EPHX4: variants seen among roughly 807,000 people sequenced by gnomAD.
EPHX4 encodes the protein epoxide hydrolase 4, also known as abhydrolase domain containing 7.
EPHX4 carries 31 observed loss-of-function variants against 44.9 expected under a neutral mutation model. The ratio of observed to expected loss-of-function variants is 0.69; its 90% confidence interval spans 0.52 to 0.93. The LOEUF (loss-of-function observed/expected upper bound fraction) is 0.93, where lower values mean the gene tolerates loss of function less well. Among genes scored for constraint, EPHX4 ranks in the 40% least tolerant of loss-of-function variants. The pLI, the probability that EPHX4 is intolerant of heterozygous loss-of-function variation, is 0.00. For missense variants in EPHX4, 373 were observed against 438.1 expected (o/e 0.85, Z 1.33); for synonymous variants, 151 against 159.7 (o/e 0.95, Z 0.41).
Position 92,052,434 on chromosome 1 carries a change from C to T in EPHX4, c.709-76C>T, listed in dbSNP as rs11166022. The T allele has an allele frequency of 4.4e-3, 6,196 of 1,414,720 alleles. 253 individuals are homozygous for T. In the African/African-American group the frequency reaches 0.082, roughly 19 times the overall value. 87.6% of individuals were successfully genotyped at this position (1,414,720 alleles called of 1,614,324 possible). Reference sequence around the variant, plus strand: ...TGTCACCACACAATGACCACCATCCCCTTTCCAAAGCCAAAGACTTAGCTT... The same window carrying T: ...TGTCACCACACAATGACCACCATCCTCTTTCCAAAGCCAAAGACTTAGCTT... On this transcript the variant is annotated intron_variant, in intron 5 of 6. Coordinates refer to ENST00000370383, the MANE Select transcript of EPHX4 (RefSeq NM_173567.5).
intron 2 of EPHX4, 74 bp from the exon 3 acceptor site, chr1:92,042,739 AAAAAGAAAGG>A: frequency 1.5e-6 from 2 of 1,312,258 alleles, no homozygotes; most frequent in South Asian, 1.5e-5. Context: ...AAAAAAAAAA[AAAAAGAAAGG>A]AAAAAGAAAA....
intron 2 of EPHX4, among the ~76,000 whole-genome samples, chr1:92,037,413 A>T (rs1688455045): frequency 6.6e-6 from 1 of 152,222 alleles, no homozygotes; most frequent in Admixed American, 6.5e-5. Flanking sequence ...ATTAAACAAG[A>T]TACACATCTA....
At chr1:92,062,299 C>T (rs1312456963) in intron 6 of EPHX4, among the ~76,000 whole-genome samples, 1 of 151,120 alleles carries the variant, frequency 6.6e-6, no homozygotes, top group Non-Finnish European at 1.5e-5. Context: ...AAACAAATTA[C>T]TCCTGGCTGG....
At chr1:92,049,513 T>G (rs1007122094) in intron 4 of EPHX4, among the ~76,000 whole-genome samples, 1 of 152,230 alleles carries the variant, frequency 6.6e-6, no homozygotes, top group African/African-American at 2.4e-5. Flanking sequence ...TGTTCACTGC[T>G]AAATCCCTTG....
chr1:92,056,702 A>G (rs2101875349), intron 6 of EPHX4, among the ~76,000 whole-genome samples: 1 of 151,272 alleles, frequency 6.6e-6, no homozygotes, highest in African/African-American at 2.4e-5. Context: ...GCTGGTCTCC[A>G]ACTCCTGGGC....
At position 92,063,132 on chromosome 1, in the gene EPHX4, T is replaced by C; in HGVS notation, c.935T>C (p.Val312Ala). The C allele has an allele frequency of 1.2e-6, 2 of 1,614,048 alleles. No individual in the cohort carries two copies. Among genetic ancestry groups the C allele is most frequent in the South Asian group, 2.2e-5 (2 of 91,066 alleles). The change falls in exon 7 of 7, where the codon GTT (valine) becomes GCT (alanine). Residue 312 changes from valine to alanine, a missense_variant. By Grantham distance (64) the Val-to-Ala change is moderately conservative. Coordinates refer to ENST00000370383, the MANE Select transcript of EPHX4 (RefSeq NM_173567.5). ...GGAGAGAATGACGCATTCATGGAGG[T>C]TGAGATGGCTGAAGTCACAAAGATT... The part of the protein sequence containing the change: ...LWGENDAFME[V>A]EMAEVTKIYV...
chr1:92,040,369 A>C (rs1236372488), intron 2 of EPHX4, among the ~76,000 whole-genome samples: 5 of 128,298 alleles, frequency 3.9e-5, no homozygotes, highest in Non-Finnish European at 8.2e-5. Context: ...TTTGAGATGG[A>C]GTTTTGCTCT....
At position 92,039,946 on chromosome 1, in the gene EPHX4, G is replaced by A. The variant is rs565964534; in HGVS notation, c.318-2877G>A. Among the ~76,000 whole-genome samples, 65 of 152,054 alleles carry A rather than the reference G, an allele frequency of 4.3e-4. No individual in the cohort carries two copies. In the South Asian group the frequency reaches 0.011, roughly 27 times the overall value. ...TAGGATTACAGGCGTGAGCCACTGCGCCCAGCCAGAAGACATGTTTATTAG... is the reference window on the plus strand; with the variant it reads ...TAGGATTACAGGCGTGAGCCACTGCACCCAGCCAGAAGACATGTTTATTAG... On this transcript the variant is annotated intron_variant, in intron 2 of 6. Coordinates refer to ENST00000370383, the MANE Select transcript of EPHX4 (RefSeq NM_173567.5).
At chr1:92,040,152 T>A (rs763392438) in intron 2 of EPHX4, among the ~76,000 whole-genome samples, 14 of 150,408 alleles carry the variant, frequency 9.3e-5, no homozygotes, top group South Asian at 2.1e-4. Context: ...CCTGATGATA[T>A]AAGGTGGTTG....
chr1:92,032,267 C>T (rs1011880807), intron 1 of EPHX4, among the ~76,000 whole-genome samples: 2 of 152,130 alleles, frequency 1.3e-5, no homozygotes, highest in Non-Finnish European at 2.9e-5. Context: ...CAAAGTGAAT[C>T]TGTCAATTTA....
chr1:92,046,108 T>A (rs1430976942), intron 4 of EPHX4, among the ~76,000 whole-genome samples: 1 of 152,230 alleles, frequency 6.6e-6, no homozygotes, highest in Non-Finnish European at 1.5e-5. Flanking sequence ...TTTACTTATA[T>A]GGTTTATAAA....
In EPHX4 at chr1:92,045,553, T is replaced by C. The variant is rs1469407907; in HGVS notation, c.497T>C (p.Ile166Thr). The change falls in exon 4 of 7, where the codon ATT (isoleucine) becomes ACT (threonine). Residue 166 changes from isoleucine (I) to threonine (T), a missense_variant. Coordinates refer to ENST00000370383, the MANE Select transcript of EPHX4 (RefSeq NM_173567.5). The part of the protein sequence containing the change: ...DSLGYSKCVL[I>T]GHDWGGMIAW... ...ACAGGGTATAGCAAATGTGTTCTTATTGGCCATGACTGGGGGGGCATGATT... is the reference window on the plus strand; with the variant it reads ...ACAGGGTATAGCAAATGTGTTCTTACTGGCCATGACTGGGGGGGCATGATT... The C allele has an allele frequency of 1.9e-6, 3 of 1,613,970 alleles. No individual in the cohort carries two copies. The Admixed American group carries it at 5.0e-5, about 27-fold the overall frequency.
intron 6 of EPHX4, among the ~76,000 whole-genome samples, chr1:92,056,708 T>C (rs1401758506): frequency 6.6e-6 from 1 of 151,752 alleles, no homozygotes; most frequent in Non-Finnish European, 1.5e-5. Context: ...CTCCAACTCC[T>C]GGGCTTAAGC....
chr1:92,052,191 A>G (rs1166331158), intron 5 of EPHX4, among the ~76,000 whole-genome samples: 1 of 152,166 alleles, frequency 6.6e-6, no homozygotes, highest in Non-Finnish European at 1.5e-5. Context: ...TCCTGCCCAG[A>G]AGGGGAATTA....
chr1:92,041,287 T>G (rs1354334459), intron 2 of EPHX4, among the ~76,000 whole-genome samples: 1 of 152,218 alleles, frequency 6.6e-6, no homozygotes. Context: ...GTTCAGGATC[T>G]TCTCCACAGA....
At chr1:92,031,226 A>G (rs1688355958) in intron 1 of EPHX4, among the ~76,000 whole-genome samples, 1 of 152,190 alleles carries the variant, frequency 6.6e-6, no homozygotes, top group African/African-American at 2.4e-5. Flanking sequence ...AAAACTTAGA[A>G]CAATGCCTGA....
chr1:92,047,483 G>A (rs1426487340), intron 4 of EPHX4, among the ~76,000 whole-genome samples: 2 of 151,510 alleles, frequency 1.3e-5, no homozygotes, highest in Admixed American at 1.3e-4. Context: ...CATTGTATTT[G>A]TGTTGTCTTG....
chr1:92,046,832 A>G (rs1688589369), intron 4 of EPHX4, among the ~76,000 whole-genome samples: 1 of 152,238 alleles, frequency 6.6e-6, no homozygotes, highest in African/African-American at 2.4e-5. Context: ...ATACTCTATT[A>G]AAACCCACAG....
chr1:92,043,804 C>G (rs1347104229), intron 3 of EPHX4: 2 of 152,192 alleles, frequency 1.3e-5, no homozygotes, highest in Non-Finnish European at 2.9e-5. Context: ...GGAGCCCAAG[C>G]TAAAAGGGAG....
Sources: allele counts gnomAD v4.1 joint callset (sites outside exome capture counted in the v4.1 genomes callset), GRCh38; gene constraint gnomAD v4.1.1; transcripts MANE v1.5; gene names NCBI Gene and HGNC (gene_info 2026-07-23, HGNC 2026-07-21).